The following IL1RAPL1 variants were observed in gnomAD, a reference collection of about 807,000 sequenced individuals.
The protein encoded by IL1RAPL1 is interleukin-1 receptor accessory protein-like 1.
A neutral mutation model predicts 48.4 loss-of-function variants in IL1RAPL1; 3 were observed. The ratio of observed to expected loss-of-function variants is 0.06; its 90% CI spans 0.03 to 0.16. IL1RAPL1 has a LOEUF of 0.16. Among genes scored for constraint, IL1RAPL1 ranks in the 10% least tolerant of loss-of-function variants. IL1RAPL1 has a pLI of 1.00. For missense variants in IL1RAPL1, 349 were observed against 530.6 expected (o/e 0.66, Z 3.36); for synonymous variants, 185 against 187.7 (o/e 0.99, Z 0.12).
chrX:28,700,640 C>A (rs931222543), intron 1 of IL1RAPL1, among the ~76,000 whole-genome samples: 3 of 109,571 alleles, frequency 2.7e-5, no homozygotes, highest in Non-Finnish European at 5.7e-5. Context: ...ACCTATCAAC[C>A]TGTCATCTAG....
intron 2 of IL1RAPL1, among the ~76,000 whole-genome samples, chrX:29,140,681 C>T (rs12015108): frequency 0.013 from 1,421 of 111,671 alleles, 23 homozygotes; most frequent in African/African-American, 0.044. Flanking sequence ...ATTTATTGCT[C>T]ACAGTCCTGG....
rs1340534655 is a variant in IL1RAPL1, at chrX:28,839,396, T to TA, written c.82+49975dup. Among the ~76,000 whole-genome samples, 5 of 110,908 alleles carry TA rather than the reference T, an allele frequency of 4.5e-5. No homozygotes were observed. The East Asian group carries it at 1.4e-3, about 31-fold the overall frequency. ...ATAATTTTATAAATCTGTTGATAAT[T>TA]AAAATTAATGAAATGTATTTCATGA... On this transcript the variant is annotated intron_variant, in intron 2 of 10. Coordinates refer to ENST00000378993, the MANE Select transcript of IL1RAPL1 (RefSeq NM_014271.4).
At chrX:29,780,994 G>A (rs893073314) in intron 6 of IL1RAPL1, among the ~76,000 whole-genome samples, 2 of 109,988 alleles carry the variant, frequency 1.8e-5, no homozygotes, top group African/African-American at 6.6e-5. Context: ...TGATTACCAT[G>A]AATTAAAAAA....
At chrX:29,266,409 T>G (rs1354261658) in intron 2 of IL1RAPL1, among the ~76,000 whole-genome samples, 1 of 111,748 alleles carries the variant, frequency 8.9e-6, no homozygotes, top group Non-Finnish European at 1.9e-5. Flanking sequence ...GAGTCACCAT[T>G]TATGACCTGA....
chrX:29,723,548 G>A (rs1394820721), intron 6 of IL1RAPL1, among the ~76,000 whole-genome samples: 2 of 111,490 alleles, frequency 1.8e-5, no homozygotes, highest in African/African-American at 3.3e-5. Context: ...TGTGCCCGGC[G>A]TCTGCATGTC....
chrX:28,751,862 T>A (rs1446878581), intron 1 of IL1RAPL1, among the ~76,000 whole-genome samples: 1 of 110,875 alleles, frequency 9.0e-6, no homozygotes, highest in Non-Finnish European at 1.9e-5. Context: ...TATAGTAGAG[T>A]GGAAAGGGTG....
In IL1RAPL1 at chrX:29,066,304, C is replaced by T. The variant is rs1312335466; in HGVS notation, c.83-216634C>T. Among the ~76,000 whole-genome samples the T allele has an allele frequency of 1.4e-4, 16 of 112,169 alleles. No homozygotes were observed. The East Asian group carries it at 3.4e-3, about 24-fold the overall frequency. ...CTTCCTCAGAGGAGGCAAATTTGGG[C>T]ATGTGCATAGTCACTCTGGGATGAC... On this transcript the variant is annotated intron_variant, in intron 2 of 10. Transcript: ENST00000378993.
chrX:29,175,073 C>CAAAAAAAAA (rs3065738), intron 2 of IL1RAPL1, among the ~76,000 whole-genome samples: 1 of 61,555 alleles, frequency 1.6e-5, no homozygotes. Flanking sequence ...GACTCCGTCT[C>CAAAAAAAAA]AAAAAAAAAA....
intron 6 of IL1RAPL1, among the ~76,000 whole-genome samples, chrX:29,803,403 ATG>A (rs1222974951): frequency 7.1e-5 from 6 of 84,832 alleles, no homozygotes; most frequent in African/African-American, 1.9e-4. Flanking sequence ...ATATGTATAT[ATG>A]TGTATATGTG....
chrX:29,408,263 AT>A (rs944024198), intron 5 of IL1RAPL1, among the ~76,000 whole-genome samples: 1 of 111,566 alleles, frequency 9.0e-6, no homozygotes, highest in Non-Finnish European at 1.9e-5. Flanking sequence ...ACTATATAGG[AT>A]TTTTTTAGAT....
chrX:29,089,457 G>A (rs1243687957), intron 2 of IL1RAPL1, among the ~76,000 whole-genome samples: 1 of 109,148 alleles, frequency 9.2e-6, no homozygotes, highest in Non-Finnish European at 1.9e-5. Flanking sequence ...GTTAACTGTA[G>A]TCATCATGCT....
intron 6 of IL1RAPL1, among the ~76,000 whole-genome samples, chrX:29,799,404 A>T (rs750314740): frequency 7.2e-5 from 8 of 111,838 alleles, no homozygotes; most frequent in Non-Finnish European, 1.5e-4. Context: ...TGTGTTAAGA[A>T]CTTTTCCTGG....
chrX:29,159,679 C>T (rs991067322), intron 2 of IL1RAPL1, among the ~76,000 whole-genome samples: 2 of 111,962 alleles, frequency 1.8e-5, no homozygotes, highest in Non-Finnish European at 3.8e-5. Context: ...TGAGGCCCTA[C>T]ATAAATCTAC....
At chrX:29,851,782 A>G (rs1041224906) in intron 6 of IL1RAPL1, among the ~76,000 whole-genome samples, 4 of 111,193 alleles carry the variant, frequency 3.6e-5, no homozygotes, top group African/African-American at 1.3e-4. Flanking sequence ...TCCCTTCCCC[A>G]CTACCATGCC....
chrX:29,493,187 C>T (rs1254672566), intron 5 of IL1RAPL1, among the ~76,000 whole-genome samples: 2 of 111,518 alleles, frequency 1.8e-5, no homozygotes, highest in African/African-American at 3.3e-5. Flanking sequence ...CTTGGGAATT[C>T]TCCCTCTTGA....
chrX:28,833,484 G>A (rs1921123939), intron 2 of IL1RAPL1, among the ~76,000 whole-genome samples: 1 of 111,652 alleles, frequency 9.0e-6, no homozygotes, highest in Admixed American at 9.5e-5. Context: ...TTGCCAACAT[G>A]TGTTCTTTCT....
intron 1 of IL1RAPL1, among the ~76,000 whole-genome samples, chrX:28,605,664 C>T (rs992179844): frequency 8.0e-5 from 9 of 112,187 alleles, no homozygotes; most frequent in African/African-American, 2.9e-4. Flanking sequence ...TGTCACTCTA[C>T]TTTTCAAATC....
In IL1RAPL1 at chrX:28,663,484, G is replaced by T. The variant is rs970812094; in HGVS notation, c.-25+75437G>T. ...TAATTTTAAAACGGGATTGTATTTT[G>T]TATGTCTGTTTCATTTTTCAAGTCA... is the stretch of plus-strand genomic sequence containing the variant. On this transcript the variant is annotated intron_variant, in intron 1 of 10. Transcript: ENST00000378993. Among the ~76,000 whole-genome samples the T allele has an allele frequency of 2.7e-5, 3 of 112,058 alleles. No individual in the cohort carries two copies. The Admixed American group carries it at 2.8e-4, about 11-fold the overall frequency.
chrX:29,602,288 T>C (rs954429842), intron 5 of IL1RAPL1, among the ~76,000 whole-genome samples: 1 of 111,653 alleles, frequency 9.0e-6, no homozygotes, highest in Non-Finnish European at 1.9e-5. Flanking sequence ...TGGCCTATTC[T>C]TAATAAGAGG....
Sources: allele counts gnomAD v4.1 joint callset (sites outside exome capture counted in the v4.1 genomes callset), GRCh38; gene constraint gnomAD v4.1.1; transcripts MANE v1.5; gene names NCBI Gene and HGNC (gene_info 2026-07-23, HGNC 2026-07-21).